The following KLHL1 variants were observed in gnomAD, a reference collection of about 807,000 sequenced individuals.
KLHL1 encodes kelch like family member 1.
KLHL1 carries 47 observed loss-of-function variants against 77.7 expected under a neutral mutation model. The observed-to-expected ratio is 0.60, with a 90% CI of 0.48 to 0.77. KLHL1 has a LOEUF of 0.77. KLHL1 is among the 30% of genes least tolerant of loss of function. The pLI is 0.00. For synonymous variants in KLHL1, 360 were observed against 325.2 expected (o/e 1.11, Z -1.15); for missense variants, 925 against 910.8 (o/e 1.02, Z -0.20).
chr13:69,995,663 T>C (rs1295555436), intron 1 of KLHL1, among the ~76,000 whole-genome samples: 5 of 152,136 alleles, frequency 3.3e-5, no homozygotes, highest in Non-Finnish European at 5.9e-5. Context: ...ATGTGATCCC[T>C]GAATTGAAGT....
At chr13:70,010,065 G>C (rs139935360) in intron 1 of KLHL1, among the ~76,000 whole-genome samples, 75 of 152,164 alleles carry the variant, frequency 4.9e-4, no homozygotes, top group Admixed American at 1.1e-3. Flanking sequence ...ATTCTTGGTA[G>C]TTTCAAAACA....
At chr13:69,854,724 TCCA>T (rs1398535663) in intron 5 of KLHL1, among the ~76,000 whole-genome samples, 3 of 152,050 alleles carry the variant, frequency 2.0e-5, no homozygotes, top group African/African-American at 4.8e-5. Context: ...ACAATTTTGC[TCCA>T]GTTTCTAGAA....
chr13:69,721,536 T>C (rs1873064072), intron 8 of KLHL1, among the ~76,000 whole-genome samples: 1 of 152,150 alleles, frequency 6.6e-6, no homozygotes, highest in Non-Finnish European at 1.5e-5. Context: ...CAATATAATA[T>C]ATTTATAAGT....
chr13:69,844,190 A>G (rs1879369591), intron 5 of KLHL1, among the ~76,000 whole-genome samples: 1 of 151,540 alleles, frequency 6.6e-6, no homozygotes, highest in Admixed American at 6.6e-5. Context: ...TTCAATGCCC[A>G]TAGATGTACA....
At chr13:69,848,777 G>A (rs1879570514) in intron 5 of KLHL1, among the ~76,000 whole-genome samples, 1 of 151,466 alleles carries the variant, frequency 6.6e-6, no homozygotes, top group Non-Finnish European at 1.5e-5. Flanking sequence ...TACAGAAATA[G>A]TTGATTGCCT....
chr13:69,966,247 C>A (rs1884207851), intron 2 of KLHL1, among the ~76,000 whole-genome samples: 1 of 152,128 alleles, frequency 6.6e-6, no homozygotes, highest in Non-Finnish European at 1.5e-5. Flanking sequence ...GGCTAACTCT[C>A]TTTTTAGGGA....
At chr13:69,722,267 A>G (rs987583460) in intron 8 of KLHL1, among the ~76,000 whole-genome samples, 1 of 148,718 alleles carries the variant, frequency 6.7e-6, no homozygotes, top group African/African-American at 2.4e-5. Flanking sequence ...ATTGTTGATA[A>G]TTAATAATAA....
intron 5 of KLHL1, among the ~76,000 whole-genome samples, chr13:69,876,029 G>A (rs1880750632): frequency 2.6e-5 from 4 of 151,980 alleles, no homozygotes; most frequent in Non-Finnish European, 5.9e-5. Flanking sequence ...AATTATTTTG[G>A]CCTTACTCAT....
At chr13:69,720,778 G>A (rs954549986) in intron 8 of KLHL1, among the ~76,000 whole-genome samples, 1 of 151,374 alleles carries the variant, frequency 6.6e-6, no homozygotes, top group Non-Finnish European at 1.5e-5. Context: ...GAAGCAGGAA[G>A]GAAGTCAGTG....
intron 3 of KLHL1, among the ~76,000 whole-genome samples, chr13:69,941,129 A>C (rs1430026008): frequency 1.3e-5 from 2 of 152,100 alleles, no homozygotes; most frequent in African/African-American, 4.8e-5. Flanking sequence ...AAATATTTAC[A>C]GAACATTCTG....
chr13:69,857,667 T>G lies in KLHL1; in HGVS notation c.1228-18505A>C, dbSNP rs569957423. Among the ~76,000 whole-genome samples the G allele has an allele frequency of 5.3e-5, 8 of 152,062 alleles. No homozygotes were observed. In the East Asian group the frequency reaches 1.6e-3, roughly 30 times the overall value. On this transcript the variant is annotated intron_variant, in intron 5 of 10. Coordinates refer to ENST00000377844, the MANE Select transcript of KLHL1 (RefSeq NM_020866.3). ...TATAAAAGATGTATCATAAGTTGAA[T>G]GTTTGTTCTCTGAAGTATTTCAGGG...
At chr13:70,086,363 A>T (rs564798664) in intron 1 of KLHL1, among the ~76,000 whole-genome samples, 6 of 151,874 alleles carry the variant, frequency 4.0e-5, no homozygotes, top group African/African-American at 1.2e-4. Flanking sequence ...TGCTTGGATC[A>T]CCTGAAGTCA....
intron 9 of KLHL1, among the ~76,000 whole-genome samples, chr13:69,716,764 C>A (rs1872773807): frequency 6.6e-6 from 1 of 152,094 alleles, no homozygotes; most frequent in Non-Finnish European, 1.5e-5. Flanking sequence ...ATTTATTTGT[C>A]TCTTTCTTCT....
chr13:70,061,211 C>T (rs919998987), intron 1 of KLHL1, among the ~76,000 whole-genome samples: 1 of 152,088 alleles, frequency 6.6e-6, no homozygotes, highest in African/African-American at 2.4e-5. Flanking sequence ...AGAATTCTTG[C>T]ACATCTTTTG....
At chr13:70,086,011 T>G (rs1887527899) in intron 1 of KLHL1, among the ~76,000 whole-genome samples, 1 of 152,138 alleles carries the variant, frequency 6.6e-6, no homozygotes, top group African/African-American at 2.4e-5. Flanking sequence ...ATTATATAAC[T>G]TACATAATTA....
At chr13:70,016,456 T>C (rs1885660479) in intron 1 of KLHL1, among the ~76,000 whole-genome samples, 1 of 152,204 alleles carries the variant, frequency 6.6e-6, no homozygotes. Context: ...CTGCTCTAGC[T>C]CCCTGGCCTC....
chr13:69,758,817 A>T (rs1365298917), intron 7 of KLHL1, among the ~76,000 whole-genome samples: 1 of 152,106 alleles, frequency 6.6e-6, no homozygotes, highest in Non-Finnish European at 1.5e-5. Context: ...TACATAATAA[A>T]CCTAAACTAT....
chr13:70,025,309 A>G (rs1412404398), intron 1 of KLHL1, among the ~76,000 whole-genome samples: 1 of 152,068 alleles, frequency 6.6e-6, no homozygotes, highest in East Asian at 1.9e-4. Context: ...ATAGGCTGTA[A>G]TTCTCAGTGG....
chr13:70,075,110 A>G (rs1175197866), intron 1 of KLHL1, among the ~76,000 whole-genome samples: 1 of 152,038 alleles, frequency 6.6e-6, no homozygotes, highest in Non-Finnish European at 1.5e-5. Flanking sequence ...TGGGGGCCAT[A>G]CACAAATTAT....
Sources: gnomAD v4.1 joint callset for allele counts (sites outside exome capture counted in the v4.1 genomes callset) on GRCh38, gnomAD v4.1.1 for gene constraint, MANE v1.5 for transcripts, NCBI Gene and HGNC (gene_info 2026-07-23, HGNC 2026-07-21) for gene names.